The following DENND1A variants were observed in gnomAD, a reference collection of about 807,000 sequenced individuals.
DENND1A encodes the protein DENN domain containing 1A.
In DENND1A, 51 loss-of-function variants were observed where a neutral mutation model predicts 113.7. The ratio of observed to expected loss-of-function variants is 0.45; its 90% CI spans 0.36 to 0.57. The LOEUF is 0.57. Ranked by LOEUF, DENND1A falls within the 20% of genes least tolerant of loss-of-function variation. The pLI is 0.00. For missense variants in DENND1A, 1,258 were observed against 1,395.9 expected (o/e 0.90, Z 1.57); for synonymous variants, 565 against 570.8 (o/e 0.99, Z 0.14).
At chr9:123,756,476 G>A (rs993335234) in intron 5 of DENND1A, among the ~76,000 whole-genome samples, 3 of 152,236 alleles carry the variant, frequency 2.0e-5, no homozygotes, top group African/African-American at 4.8e-5. Flanking sequence ...CTACTAAGGC[G>A]TGCTTGAGAA....
chr9:123,717,331 TAACTAGGAG>T (rs2067039178), intron 5 of DENND1A, among the ~76,000 whole-genome samples: 1 of 152,192 alleles, frequency 6.6e-6, no homozygotes, highest in Non-Finnish European at 1.5e-5. Context: ...GGCCATGCCT[TAACTAGGAG>T]ATACGTATAA....
At chr9:123,614,199 C>T (rs181693548) in intron 10 of DENND1A, among the ~76,000 whole-genome samples, 182 of 152,286 alleles carry the variant, frequency 1.2e-3, no homozygotes, top group African/African-American at 4.2e-3. Flanking sequence ...GTGGTGAAGC[C>T]GTACTTCAGA....
intron 3 of DENND1A, among the ~76,000 whole-genome samples, chr9:123,775,839 C>G (rs1222651696): frequency 6.6e-6 from 1 of 152,154 alleles, no homozygotes; most frequent in African/African-American, 2.4e-5. Flanking sequence ...TTACAACACA[C>G]GAAAAAGCAG....
intron 5 of DENND1A, among the ~76,000 whole-genome samples, chr9:123,737,903 C>A (rs953693695): frequency 1.3e-5 from 2 of 152,168 alleles, no homozygotes; most frequent in Admixed American, 6.5e-5. Context: ...ACATTCTAAG[C>A]CATTTTCTAA....
chr9:123,440,546 C>T (rs2046854278), intron 18 of DENND1A, 55 bp from the exon 19 acceptor site: 3 of 1,503,972 alleles, frequency 2.0e-6, no homozygotes, highest in South Asian at 2.6e-5. Context: ...ACCCATGTTC[C>T]CTCTCACCCC....
intron 13 of DENND1A, among the ~76,000 whole-genome samples, chr9:123,508,898 T>C (rs1051943685): frequency 9.9e-5 from 15 of 152,248 alleles, no homozygotes; most frequent in African/African-American, 3.4e-4. Context: ...CCCCCGGCTG[T>C]GTCCTCCAAA....
At chr9:123,852,982 A>C (rs898293742) in intron 2 of DENND1A, among the ~76,000 whole-genome samples, 8 of 151,664 alleles carry the variant, frequency 5.3e-5, no homozygotes, top group African/African-American at 1.9e-4. Context: ...GCAGTGGCAT[A>C]ATCTTGGCTC....
chr9:123,606,900 C>T (rs2060178513), intron 11 of DENND1A, among the ~76,000 whole-genome samples: 1 of 152,192 alleles, frequency 6.6e-6, no homozygotes, highest in Admixed American at 6.5e-5. Context: ...GAAAACAGAG[C>T]AGGAGGACTT....
intron 12 of DENND1A, among the ~76,000 whole-genome samples, chr9:123,559,296 T>C (rs1416798903): frequency 6.6e-6 from 1 of 152,122 alleles, no homozygotes; most frequent in African/African-American, 2.4e-5. Flanking sequence ...AGAAAACTAA[T>C]GATTGGTTTT....
intron 1 of DENND1A, among the ~76,000 whole-genome samples, chr9:123,926,869 G>A (rs958771360): frequency 2.7e-5 from 4 of 150,742 alleles, no homozygotes; most frequent in Admixed American, 1.3e-4. Context: ...CATGGTACGG[G>A]ACACAGACAA....
intron 10 of DENND1A, among the ~76,000 whole-genome samples, chr9:123,624,119 T>C (rs953271458): frequency 6.6e-6 from 1 of 152,228 alleles, no homozygotes; most frequent in Non-Finnish European, 1.5e-5. Flanking sequence ...TGAGAGTTCA[T>C]TTCTACAGGA....
intron 21 of DENND1A, among the ~76,000 whole-genome samples, chr9:123,394,032 C>T (rs1358348254): frequency 1.3e-5 from 2 of 150,662 alleles, no homozygotes; most frequent in Non-Finnish European, 2.9e-5. Flanking sequence ...CACTCTGTTG[C>T]CCAGGCTGGA....
chr9:123,924,997 T>G (rs1856855798), intron 1 of DENND1A, among the ~76,000 whole-genome samples: 1 of 152,210 alleles, frequency 6.6e-6, no homozygotes, highest in Non-Finnish European at 1.5e-5. Flanking sequence ...CCACTCTATC[T>G]AAAATAGGAC....
rs916605486 is a variant in DENND1A at position 123,452,169 on chromosome 9, G to A, written c.1299+107C>T. On this transcript the variant is annotated intron_variant, in intron 17 of 23. Transcript: ENST00000394215. The stretch of plus-strand genomic sequence containing the variant: ...TGATTGCACCACTGCACTCCAGCCT[G>A]GGCAACAGAGCAAGACCCAGTTTCA... The A allele has an allele frequency of 5.7e-6, 6 of 1,059,894 alleles. No homozygotes were observed. The African/African-American group carries it at 7.9e-5, about 14-fold the overall frequency. 65.7% of individuals were successfully genotyped at this position (1,059,894 alleles called of 1,614,324 possible).
In DENND1A at chr9:123,381,495, C is replaced by G. The variant is rs199678734; in HGVS notation, c.3150G>C (p.Pro1050=). 6.2e-7 allele frequency: 1 copy of G among 1,613,278 alleles called. No homozygotes were observed. Among genetic ancestry groups the G allele is most frequent in the East Asian group, 2.2e-5 (1 of 44,820 alleles). Residue 1050 remains proline, a synonymous_variant, in exon 24 of 24, where the codon CCG becomes CCC. Coordinates refer to ENST00000394215, the MANE Select transcript of DENND1A (RefSeq NM_001352964.2). The surrounding 1 kb of genome is among the most constrained non-coding windows in gnomAD (Gnocchi z 4.7). The part of the protein sequence containing the change: ...QKTKQDVSPS[P]ALAPAPDSVE... ...CCGAGTCTGGGGCCGGGGCCAGGGC[C>G]GGACTCGGGCTCACGTCTTGCTTGG... is the stretch of plus-strand genomic sequence containing the variant.
chr9:123,625,250 T>C (rs934229400), intron 10 of DENND1A, among the ~76,000 whole-genome samples: 1 of 152,204 alleles, frequency 6.6e-6, no homozygotes, highest in Non-Finnish European at 1.5e-5. Flanking sequence ...ATGGGGTTAA[T>C]AGTATCTGCC....
rs143546959 is a variant in DENND1A at position 123,659,585 on chromosome 9, A to G, written c.507+7441T>C. Among the ~76,000 whole-genome samples the G allele has an allele frequency of 2.2e-3, 340 of 152,346 alleles. 3 individuals carry two copies. Among genetic ancestry groups the G allele is most frequent in the African/African-American group, 7.9e-3 (328 of 41,578 alleles). On this transcript the variant is annotated intron_variant, in intron 8 of 23. Coordinates refer to ENST00000394215, the MANE Select transcript of DENND1A (RefSeq NM_001352964.2). ...GAAAAAGAAACAGACCATTGAAAGC[A>G]GCATCTCCATCAAACCAGACATTGT... is the stretch of plus-strand genomic sequence containing the variant.
intron 13 of DENND1A, among the ~76,000 whole-genome samples, chr9:123,506,006 A>G: frequency 6.6e-6 from 1 of 152,014 alleles, no homozygotes; most frequent in East Asian, 1.9e-4. Flanking sequence ...GCCTGAGCCG[A>G]AAGTTTCCAG....
rs180683747 is a variant in DENND1A, at chr9:123,714,900, G to A, written c.303-38111C>T. Among the ~76,000 whole-genome samples the A allele has an allele frequency of 9.5e-4, 144 of 151,984 alleles. 1 individual carries two copies. The highest frequency in any genetic ancestry group is 1.1e-3 in the Non-Finnish European group (74 of 68,002). ...AACTTCTAAAATATGTTTTGTTTAC[G>A]TCCAGGCACAGTGGCTCATGCCTGT... On this transcript the variant is annotated intron_variant, in intron 5 of 23. Coordinates refer to ENST00000394215, the MANE Select transcript of DENND1A (RefSeq NM_001352964.2).
Sources: gnomAD v4.1 joint callset for allele counts (sites outside exome capture counted in the v4.1 genomes callset) on GRCh38, gnomAD v4.1.1 for gene constraint, Gnocchi (gnomAD v3.1) non-coding constraint, MANE v1.5 for transcripts, NCBI Gene and HGNC (gene_info 2026-07-23, HGNC 2026-07-21) for gene names.